LEKR1: variants seen among roughly 807,000 people sequenced by gnomAD.
The protein encoded by LEKR1 is leucine, glutamate and lysine rich 1.
Under a neutral mutation model 72.4 loss-of-function variants are expected in LEKR1, and 59 were observed. The observed-to-expected ratio is 0.82, with a 90% CI of 0.66 to 1.01. The LOEUF is 1.01. Among genes scored for constraint, LEKR1 ranks in the 50% least tolerant of loss-of-function variants. The pLI is 0.00. For synonymous variants in LEKR1, 257 were observed against 263.2 expected (o/e 0.98, Z 0.23); for missense variants, 728 against 759.2 (o/e 0.96, Z 0.48).
chr3:156,846,531 T>TG (rs1560020659), intron 2 of LEKR1, among the ~76,000 whole-genome samples: 1 of 151,612 alleles, frequency 6.6e-6, no homozygotes, highest in African/African-American at 2.4e-5. Flanking sequence ...TGAGGAAGGG[T>TG]CCTAATGGCT....
intron 3 of LEKR1, among the ~76,000 whole-genome samples, chr3:156,911,985 G>T (rs1425786257): frequency 6.6e-6 from 1 of 151,438 alleles, no homozygotes; most frequent in Middle Eastern, 3.2e-3. Flanking sequence ...GGCTATTAGG[G>T]CTCTTTTTTT....
At chr3:156,898,893 G>A (rs2108561271) in intron 3 of LEKR1, among the ~76,000 whole-genome samples, 1 of 152,300 alleles carries the variant, frequency 6.6e-6, no homozygotes, top group East Asian at 1.9e-4. Context: ...TGAGAAGCTT[G>A]AGCTAGGATT....
At chr3:156,938,037 T>C (rs1248513047) in intron 5 of LEKR1, among the ~76,000 whole-genome samples, 2 of 152,132 alleles carry the variant, frequency 1.3e-5, no homozygotes, top group Non-Finnish European at 2.9e-5. Flanking sequence ...GGTTTGGCTA[T>C]AAAGGGATAG....
At chr3:156,899,614 A>ACATATATACACATATATACACG (rs869262162) in intron 3 of LEKR1, among the ~76,000 whole-genome samples, 4 of 104,828 alleles carry the variant, frequency 3.8e-5, no homozygotes, top group Non-Finnish European at 7.2e-5. Context: ...ATATATACAC[A>ACATATATACACATATATACACG]CATATATACA....
At chr3:157,007,112 G>A (rs1732510169) in intron 9 of LEKR1, among the ~76,000 whole-genome samples, 1 of 152,206 alleles carries the variant, frequency 6.6e-6, no homozygotes, top group African/African-American at 2.4e-5. Flanking sequence ...TGAGGCAGGA[G>A]AATGGCGTGA....
At chr3:156,925,744 T>A (rs1576836384) in intron 4 of LEKR1, among the ~76,000 whole-genome samples, 1 of 151,974 alleles carries the variant, frequency 6.6e-6, no homozygotes, top group African/African-American at 2.4e-5. Context: ...TCTCACTTTT[T>A]AAAAAAATTA....
rs1734338255 is a variant in LEKR1 at position 157,028,106 on chromosome 3, T to C, written c.1372T>C (p.Ser458Pro). 1.3e-6 allele frequency: 2 copies of C among 1,560,542 alleles called. No homozygotes were observed. The highest frequency in any genetic ancestry group is 2.0e-5 in the Admixed American group (1 of 50,696). Residue 458 changes from serine to proline, a missense_variant, in exon 12 of 13, where the codon TCT (serine) becomes CCT (proline). By Grantham distance (74) the Ser-to-Pro change is moderately conservative. Coordinates refer to ENST00000356539, the MANE Select transcript of LEKR1 (RefSeq NM_001004316.3). ...KEQEELQMKI[S>P]DLITGATRDL... ...TAATATGAGATTTATCTTACAGATA[T>C]CTGACTTAATCACAGGCGCTACAAG...
intron 2 of LEKR1, among the ~76,000 whole-genome samples, chr3:156,830,854 A>G (rs1433118321): frequency 2.0e-5 from 3 of 152,218 alleles, no homozygotes; most frequent in African/African-American, 4.8e-5. Flanking sequence ...GAAAAAGTCA[A>G]GATAACAGGG....
chr3:156,952,441 C>T (rs1375829509), intron 6 of LEKR1, among the ~76,000 whole-genome samples: 2 of 151,326 alleles, frequency 1.3e-5, no homozygotes, highest in African/African-American at 4.8e-5. Context: ...TGGAGTTTAG[C>T]TTTGATCTTT....
intron 2 of LEKR1, among the ~76,000 whole-genome samples, chr3:156,842,039 A>C (rs1310498665): frequency 2.0e-5 from 3 of 152,182 alleles, no homozygotes; most frequent in African/African-American, 7.2e-5. Context: ...TGTGCTGCTT[A>C]TGAGAATCTA....
chr3:156,919,218 T>A (rs1034332684), intron 3 of LEKR1, among the ~76,000 whole-genome samples: 4 of 152,214 alleles, frequency 2.6e-5, no homozygotes, highest in African/African-American at 9.6e-5. Context: ...TAAAGATACA[T>A]CCTTTCATTG....
At chr3:156,868,940 A>G (rs1717613533) in intron 3 of LEKR1, among the ~76,000 whole-genome samples, 1 of 152,034 alleles carries the variant, frequency 6.6e-6, no homozygotes. Flanking sequence ...AAGTAAGAAC[A>G]TGCAGCATTT....
intron 10 of LEKR1, among the ~76,000 whole-genome samples, chr3:157,014,421 T>C (rs530611844): frequency 1.3e-5 from 2 of 152,020 alleles, no homozygotes; most frequent in South Asian, 4.2e-4. Flanking sequence ...CTTCAAGAAA[T>C]AGTCAATTTC....
At chr3:156,865,566 CTTTG>C (rs1560035461) in intron 3 of LEKR1, among the ~76,000 whole-genome samples, 1 of 150,674 alleles carries the variant, frequency 6.6e-6, no homozygotes, top group Non-Finnish European at 1.5e-5. Flanking sequence ...CTAGTCCATT[CTTTG>C]TTTGCACATC....
intron 6 of LEKR1, among the ~76,000 whole-genome samples, chr3:156,963,836 T>G (rs578072385): frequency 2.0e-5 from 3 of 152,328 alleles, no homozygotes; most frequent in Middle Eastern, 3.4e-3. Context: ...ATTCCAGAAC[T>G]TTACTACCAG....
intron 3 of LEKR1, among the ~76,000 whole-genome samples, chr3:156,878,071 G>A (rs886853154): frequency 9.9e-5 from 15 of 151,410 alleles, no homozygotes; most frequent in Admixed American, 3.3e-4. Context: ...GTGAGCCACC[G>A]CACTGCCCAG....
chr3:156,871,316 A>G (rs1285534467), intron 3 of LEKR1, among the ~76,000 whole-genome samples: 1 of 152,180 alleles, frequency 6.6e-6, no homozygotes, highest in South Asian at 2.1e-4. Flanking sequence ...ATAGTATTCC[A>G]TAGTGTATAT....
chr3:157,020,452 C>T (rs1258333594), intron 10 of LEKR1, among the ~76,000 whole-genome samples: 1 of 118,024 alleles, frequency 8.5e-6, no homozygotes, highest in Non-Finnish European at 1.7e-5. Flanking sequence ...CATCAGTCCC[C>T]AGAGTGTGAT....
Position 156,831,722 on chromosome 3 carries a change from A to G in LEKR1, c.48+2345A>G, listed in dbSNP as rs185387961. Among the ~76,000 whole-genome samples, 130 of 152,262 alleles carry G rather than the reference A, an allele frequency of 8.5e-4. 1 individual carries two copies. In the Middle Eastern group the frequency reaches 0.02, roughly 24 times the overall value. ...TATTCACTATCATGAGAAGAGCATG[A>G]TAAAGGTTCACCCTCATGATTCAAT... On this transcript the variant is annotated intron_variant, in intron 2 of 12. Transcript: ENST00000356539.
Sources: allele counts gnomAD v4.1 joint callset (sites outside exome capture counted in the v4.1 genomes callset), GRCh38; gene constraint gnomAD v4.1.1; transcripts MANE v1.5; gene names NCBI Gene and HGNC (gene_info 2026-07-23, HGNC 2026-07-21).